The following RORA variants were observed in gnomAD, a reference collection of about 807,000 sequenced individuals.
RORA encodes nuclear receptor ROR-alpha.
A neutral mutation model predicts 69.5 loss-of-function variants in RORA; 7 were observed. The ratio of observed to expected loss-of-function variants is 0.10; its 90% confidence interval spans 0.06 to 0.19. The LOEUF is 0.19. RORA is among the 10% of genes least tolerant of loss of function. The pLI, the probability that RORA is intolerant of heterozygous loss-of-function variation, is 1.00. For missense variants in RORA, 457 were observed against 663.0 expected (o/e 0.69, Z 3.41); for synonymous variants, 261 against 240.8 (o/e 1.08, Z -0.78).
At chr15:60,920,700 G>A (rs548866122) in intron 1 of RORA, among the ~76,000 whole-genome samples, 1 of 152,320 alleles carries the variant, frequency 6.6e-6, no homozygotes, top group African/African-American at 2.4e-5. Flanking sequence ...TGAGACCATT[G>A]CTATAATATT....
intron 1 of RORA, among the ~76,000 whole-genome samples, chr15:61,104,881 A>G (rs964326876): frequency 1.3e-5 from 2 of 152,182 alleles, no homozygotes; most frequent in South Asian, 4.2e-4. Flanking sequence ...AGTTTCCCCC[A>G]TACTGAACCA....
chr15:61,167,069 G>C lies in RORA; in HGVS notation c.166+61984C>G, dbSNP rs1309963481. Among the ~76,000 whole-genome samples, 3 of 152,094 alleles carry C rather than the reference G, an allele frequency of 2.0e-5. No homozygotes were observed. The East Asian group carries it at 5.8e-4, about 29-fold the overall frequency. ...ACACATACACAAAATCACAGAATCGGCTGCACCCCTAATGCTTCTCTGTTC... is the reference window on the plus strand; with the variant it reads ...ACACATACACAAAATCACAGAATCGCCTGCACCCCTAATGCTTCTCTGTTC... On this transcript the variant is annotated intron_variant, in intron 1 of 10. Coordinates refer to ENST00000335670, the MANE Select transcript of RORA (RefSeq NM_134261.3).
intron 1 of RORA, among the ~76,000 whole-genome samples, chr15:61,055,521 G>A (rs989144380): frequency 6.6e-6 from 1 of 152,182 alleles, no homozygotes; most frequent in Non-Finnish European, 1.5e-5. Context: ...CCTTGCAGGT[G>A]TGTCAGGTTC....
intron 1 of RORA, among the ~76,000 whole-genome samples, chr15:61,152,176 C>T (rs887589712): frequency 6.6e-6 from 1 of 152,110 alleles, no homozygotes; most frequent in Admixed American, 6.6e-5. Context: ...ATGTTATAAA[C>T]ACATATTTTA....
chr15:60,622,775 G>A (rs898228594), intron 2 of RORA, among the ~76,000 whole-genome samples: 3 of 152,090 alleles, frequency 2.0e-5, no homozygotes, highest in Non-Finnish European at 4.4e-5. Flanking sequence ...GGGTGCAGTG[G>A]CAAAATCTTG....
chr15:60,524,686 C>A (rs1381743586), intron 3 of RORA, among the ~76,000 whole-genome samples: 1 of 152,132 alleles, frequency 6.6e-6, no homozygotes, highest in Admixed American at 6.6e-5. Flanking sequence ...AGTAGCTAAC[C>A]CAATACTTAG....
intron 1 of RORA, among the ~76,000 whole-genome samples, chr15:61,194,781 G>T (rs567537672): frequency 6.6e-6 from 1 of 152,278 alleles, no homozygotes; most frequent in Admixed American, 6.5e-5. Context: ...AACACAGGTA[G>T]AGCCACACGG....
chr15:61,019,692 C>T (rs1895436788), intron 1 of RORA, among the ~76,000 whole-genome samples: 1 of 152,188 alleles, frequency 6.6e-6, no homozygotes, highest in Non-Finnish European at 1.5e-5. Flanking sequence ...TCAAGTCTCT[C>T]ACATCTGTAC....
At chr15:60,940,289 A>G (rs953742039) in intron 1 of RORA, among the ~76,000 whole-genome samples, 3 of 152,222 alleles carry the variant, frequency 2.0e-5, no homozygotes, top group African/African-American at 7.2e-5. Context: ...GGTAAGGAAT[A>G]AACAAACTGT....
chr15:61,030,713 T>C (rs533817624), intron 1 of RORA, among the ~76,000 whole-genome samples: 1 of 152,238 alleles, frequency 6.6e-6, no homozygotes, highest in South Asian at 2.1e-4. Context: ...TTAAGCACAT[T>C]CGAGAACTGA....
At position 61,059,104 on chromosome 15, in the gene RORA, C is replaced by G. The variant is rs560635598; in HGVS notation, c.166+169949G>C. 3.3e-5 allele frequency among the ~76,000 whole-genome samples: 5 copies of G among 152,344 alleles called. No individual in the cohort carries two copies. The South Asian group carries it at 8.3e-4, about 25-fold the overall frequency. On this transcript the variant is annotated intron_variant, in intron 1 of 10. Transcript: ENST00000335670. Reference sequence around the variant, plus strand: ...CATCTTCCTCCTAATGTCTATCAGTCATGGCCTTTCCTTTCCAATGGGCAG... The same window carrying G: ...CATCTTCCTCCTAATGTCTATCAGTGATGGCCTTTCCTTTCCAATGGGCAG...
intron 1 of RORA, among the ~76,000 whole-genome samples, chr15:60,801,931 A>T (rs1207735541): frequency 6.6e-6 from 1 of 152,218 alleles, no homozygotes; most frequent in Admixed American, 6.5e-5. Flanking sequence ...TTTATTTGAC[A>T]TTGCAACCAC....
At chr15:60,851,365 G>T (rs899507283) in intron 1 of RORA, among the ~76,000 whole-genome samples, 17 of 152,274 alleles carry the variant, frequency 1.1e-4, no homozygotes, top group African/African-American at 3.9e-4. Context: ...AGGCAAAACT[G>T]CTCCATTCCT....
chr15:60,929,396 C>T (rs1892309910), intron 1 of RORA, among the ~76,000 whole-genome samples: 2 of 152,184 alleles, frequency 1.3e-5, no homozygotes, highest in Non-Finnish European at 2.9e-5. Flanking sequence ...GAGAGGAAGG[C>T]AGCGGGAAAT....
chr15:60,567,093 G>T (rs2067733975), intron 2 of RORA, among the ~76,000 whole-genome samples: 1 of 151,956 alleles, frequency 6.6e-6, no homozygotes, highest in African/African-American at 2.4e-5. Flanking sequence ...CCATTAATCT[G>T]CTTCCATAAC....
At chr15:60,609,380 G>A (rs1055704202) in intron 2 of RORA, among the ~76,000 whole-genome samples, 4 of 152,110 alleles carry the variant, frequency 2.6e-5, no homozygotes, top group Non-Finnish European at 4.4e-5. Context: ...GGATTTTAGA[G>A]GAAACAAAAA....
intron 1 of RORA, among the ~76,000 whole-genome samples, chr15:60,731,839 A>G (rs535378045): frequency 1.3e-5 from 2 of 152,354 alleles, no homozygotes; most frequent in East Asian, 3.9e-4. Flanking sequence ...TGAATTTCAC[A>G]AGTAGACATG....
chr15:60,993,953 C>A (rs936556387), intron 1 of RORA, among the ~76,000 whole-genome samples: 12 of 152,088 alleles, frequency 7.9e-5, no homozygotes, highest in African/African-American at 2.9e-4. Context: ...AAAATATAAT[C>A]TCTATCTAAA....
At chr15:60,522,228 A>G (rs1385061597) in intron 3 of RORA, among the ~76,000 whole-genome samples, 3 of 152,198 alleles carry the variant, frequency 2.0e-5, no homozygotes, top group African/African-American at 7.2e-5. Context: ...GGTTGTCTAC[A>G]TCAATTATCC....
Sources: gnomAD v4.1 joint callset for allele counts (sites outside exome capture counted in the v4.1 genomes callset) on GRCh38, gnomAD v4.1.1 for gene constraint, MANE v1.5 for transcripts, NCBI Gene and HGNC (gene_info 2026-07-23, HGNC 2026-07-21) for gene names.